Variants in CAMK1D observed in about 807,000 individuals in gnomAD.
CAMK1D encodes the protein calcium/calmodulin-dependent protein kinase type 1D.
A neutral mutation model predicts 47.7 loss-of-function variants in CAMK1D; 9 were observed. That is an observed-to-expected ratio of 0.19 (90% CI 0.11 to 0.33). The LOEUF (loss-of-function observed/expected upper bound fraction) is 0.33, where lower values mean the gene tolerates loss of function less well. Ranked by LOEUF, CAMK1D falls within the 10% of genes least tolerant of loss-of-function variation. The pLI is 1.00. For synonymous variants in CAMK1D, 184 were observed against 184.9 expected (o/e 0.99, Z 0.04); for missense variants, 291 against 488.7 (o/e 0.60, Z 3.81).
chr10:12,574,328 G>A (rs998018219), intron 2 of CAMK1D, among the ~76,000 whole-genome samples: 3 of 151,412 alleles, frequency 2.0e-5, no homozygotes, highest in Admixed American at 6.6e-5. Flanking sequence ...TTGAGTTGGA[G>A]CCTTGTTCTG....
chr10:12,441,321 G>A (rs912895370), intron 1 of CAMK1D, among the ~76,000 whole-genome samples: 40 of 152,106 alleles, frequency 2.6e-4, no homozygotes, highest in Non-Finnish European at 2.4e-4. Flanking sequence ...CCTCAGCCTC[G>A]CAGGTAGCTG....
intron 5 of CAMK1D, among the ~76,000 whole-genome samples, chr10:12,786,447 G>A (rs560824955): frequency 3.3e-5 from 5 of 152,252 alleles, no homozygotes; most frequent in Admixed American, 6.5e-5. Context: ...AATTTCCATC[G>A]CCAATATTGT....
At chr10:12,561,408 C>T (rs192926190) in intron 2 of CAMK1D, among the ~76,000 whole-genome samples, 2 of 152,166 alleles carry the variant, frequency 1.3e-5, no homozygotes, top group East Asian at 1.9e-4. Flanking sequence ...CCGGGCTCTG[C>T]GAAGCCTTTA....
rs1378998923 is a variant in CAMK1D, at chr10:12,391,210, CT to C, written c.92+41303del. 2.0e-5 allele frequency among the ~76,000 whole-genome samples: 3 copies of C among 152,294 alleles called. No individual in the cohort carries two copies. The East Asian group carries it at 5.8e-4, about 29-fold the overall frequency. On this transcript the variant is annotated intron_variant, in intron 1 of 10. Coordinates refer to ENST00000619168, the MANE Select transcript of CAMK1D (RefSeq NM_153498.4). ...GTTATTCTCAATACAAAATAAAATA[CT>C]TTAACTTCAAGCTCGTGTGGGGCCC...
intron 2 of CAMK1D, among the ~76,000 whole-genome samples, chr10:12,585,845 C>T (rs1172520949): frequency 1.3e-5 from 2 of 152,324 alleles, no homozygotes; most frequent in South Asian, 2.1e-4. Flanking sequence ...CCTGCCATCT[C>T]GATCCTTCGG....
At chr10:12,795,104 G>A (rs552113531) in intron 6 of CAMK1D, among the ~76,000 whole-genome samples, 113 of 152,258 alleles carry the variant, frequency 7.4e-4, no homozygotes, top group African/African-American at 2.5e-3. Context: ...CACAGCTATA[G>A]TAGGTCACAG....
intron 2 of CAMK1D, among the ~76,000 whole-genome samples, chr10:12,660,960 C>G (rs1023079586): frequency 6.6e-6 from 1 of 152,186 alleles, no homozygotes; most frequent in East Asian, 1.9e-4. Context: ...TTCCATTTGC[C>G]TATAACTGAC....
At chr10:12,646,029 T>C (rs1424163930) in intron 2 of CAMK1D, among the ~76,000 whole-genome samples, 1 of 151,970 alleles carries the variant, frequency 6.6e-6, no homozygotes, top group Non-Finnish European at 1.5e-5. Flanking sequence ...TTTAGAATCT[T>C]CCACTGAACA....
chr10:12,732,953 T>C (rs544650551), intron 3 of CAMK1D, among the ~76,000 whole-genome samples: 1 of 152,140 alleles, frequency 6.6e-6, no homozygotes, highest in African/African-American at 2.4e-5. Flanking sequence ...ATGGAGACAA[T>C]AGCACATGCC....
chr10:12,588,904 G>GTA (rs527243224), intron 2 of CAMK1D, among the ~76,000 whole-genome samples: 12 of 140,500 alleles, frequency 8.5e-5, no homozygotes, highest in South Asian at 4.2e-4. Flanking sequence ...GTGTGTGTGT[G>GTA]TATATATAAC....
At chr10:12,767,742 T>G (rs1208992905) in intron 4 of CAMK1D, among the ~76,000 whole-genome samples, 1 of 152,226 alleles carries the variant, frequency 6.6e-6, no homozygotes, top group Non-Finnish European at 1.5e-5. Flanking sequence ...TCTGATCAGT[T>G]CTTCACTGAA....
intron 1 of CAMK1D, among the ~76,000 whole-genome samples, chr10:12,376,777 A>G (rs1295159459): frequency 6.7e-6 from 1 of 149,470 alleles, no homozygotes; most frequent in African/African-American, 2.5e-5. Context: ...TTTTTGAGAC[A>G]GAGTCTTGCT....
intron 3 of CAMK1D, among the ~76,000 whole-genome samples, chr10:12,688,605 A>C (rs1832747336): frequency 1.3e-5 from 2 of 152,150 alleles, no homozygotes; most frequent in Admixed American, 1.3e-4. Flanking sequence ...AAGGGCCTAG[A>C]ATTCCTTTAA....
intron 1 of CAMK1D, among the ~76,000 whole-genome samples, chr10:12,380,392 A>G (rs931444645): frequency 3.3e-5 from 5 of 152,188 alleles, no homozygotes; most frequent in African/African-American, 1.2e-4. Context: ...TCACACTTGG[A>G]GCCTAGGTTT....
intron 1 of CAMK1D, among the ~76,000 whole-genome samples, chr10:12,350,579 C>T (rs968918847): frequency 3.4e-4 from 51 of 150,126 alleles, no homozygotes; most frequent in African/African-American, 1.2e-3. Context: ...GTGCTCTCTC[C>T]GGGCTGCATC....
chr10:12,666,782 C>T lies in CAMK1D; in HGVS notation c.271C>T (p.Pro91Ser). The T allele has an allele frequency of 1.2e-6, 2 of 1,613,800 alleles. No individual in the cohort carries two copies. Among genetic ancestry groups the T allele is most frequent in the Non-Finnish European group, 1.7e-6 (2 of 1,179,868 alleles). ...TGCCCTGGAAGACATTTATGAAAGC[C>T]CAAATCACCTGTACTTGGTCATGCA... ...IVALEDIYES[P>S]NHLYLVMQLV... The change falls in exon 3 of 11, where the codon CCA becomes TCA. Residue 91 changes from proline (P) to serine (S), a missense_variant. By Grantham distance (74) the Pro-to-Ser change is moderately conservative. Around this residue, in one of 2 missense-constraint regions of CAMK1D, gnomAD observed 219 missense variants for 424.3 expected, o/e 0.52. Coordinates refer to ENST00000619168, the MANE Select transcript of CAMK1D (RefSeq NM_153498.4).
intron 2 of CAMK1D, among the ~76,000 whole-genome samples, chr10:12,599,272 A>T (rs1469331020): frequency 2.6e-5 from 4 of 152,186 alleles, no homozygotes; most frequent in Admixed American, 6.5e-5. Context: ...TCCCTGCTGC[A>T]TCTTATTTTG....
chr10:12,571,743 A>G (rs573530704), intron 2 of CAMK1D, among the ~76,000 whole-genome samples: 182 of 152,154 alleles, frequency 1.2e-3, no homozygotes, highest in Non-Finnish European at 9.1e-4. Flanking sequence ...AAGCTCCGTG[A>G]AGGTAGGGAT....
intron 1 of CAMK1D, among the ~76,000 whole-genome samples, chr10:12,520,105 C>G (rs1835358589): frequency 1.2e-5 from 1 of 81,500 alleles, no homozygotes; most frequent in Non-Finnish European, 2.6e-5. Flanking sequence ...GGGGTGGCTG[C>G]CGGGCGGAGA....
Sources: gnomAD v4.1 joint callset for allele counts (sites outside exome capture counted in the v4.1 genomes callset) on GRCh38, gnomAD v4.1.1 for gene constraint, gnomAD v4.1.1 regional missense constraint, MANE v1.5 for transcripts, NCBI Gene and HGNC (gene_info 2026-07-23, HGNC 2026-07-21) for gene names.